The following BTAF1 variants were observed in gnomAD, a reference collection of about 807,000 sequenced individuals.
BTAF1 encodes TATA-binding protein-associated factor 172.
In BTAF1, 38 loss-of-function variants were observed where a neutral mutation model predicts 227.1. The observed-to-expected ratio is 0.17, with a 90% CI of 0.13 to 0.22. BTAF1 has a LOEUF of 0.22. Ranked by LOEUF, BTAF1 falls within the 10% of genes least tolerant of loss-of-function variation. The probability of loss-of-function intolerance (pLI) is 1.00; values close to 1 mark genes in which losing one functional copy is unlikely to be tolerated. For synonymous variants in BTAF1, 742 were observed against 751.9 expected (o/e 0.99, Z 0.21); for missense variants, 1,598 against 2,204.0 (o/e 0.73, Z 5.51).
At chr10:91,951,358 C>G (rs1453120132) in intron 4 of BTAF1, 45 bp from the exon 5 acceptor site, 1 of 1,581,814 alleles carries the variant, frequency 6.3e-7, no homozygotes, top group South Asian at 1.2e-5. Flanking sequence ...TATTAGAAAA[C>G]TTCTTAACTG....
At chr10:91,989,656 T>C in intron 20 of BTAF1, 76 bp downstream of exon 20, 1 of 1,321,132 alleles carries the variant, frequency 7.6e-7, no homozygotes, top group South Asian at 1.5e-5. Flanking sequence ...GGGTATAATT[T>C]AAGCACAAAT....
intron 4 of BTAF1, among the ~76,000 whole-genome samples, chr10:91,950,148 T>TGTGGG (rs1554851556): frequency 8.2e-5 from 2 of 24,426 alleles, no homozygotes; most frequent in African/African-American, 2.1e-4. Context: ...TTGTCCTTTG[T>TGTGGG]GGGGGGGGGC....
At chr10:92,013,830 A>T (rs1478178422) in intron 31 of BTAF1, 22 bp downstream of exon 31, 1 of 1,613,768 alleles carries the variant, frequency 6.2e-7, no homozygotes, top group Non-Finnish European at 8.5e-7. Context: ...ATATAATTAT[A>T]ACCCTGTGTA....
chr10:92,010,977 G>A, intron 28 of BTAF1, 96 bp from the exon 29 acceptor site: 1 of 861,218 alleles, frequency 1.2e-6, no homozygotes, highest in South Asian at 1.5e-5. Context: ...GGAATGCTGG[G>A]CTTAGTGGGC....
At chr10:91,968,820 C>T (rs1314150320) in intron 14 of BTAF1, among the ~76,000 whole-genome samples, 2 of 152,012 alleles carry the variant, frequency 1.3e-5, no homozygotes, top group Non-Finnish European at 2.9e-5. Flanking sequence ...TATGTTTATT[C>T]GCCATCTACC....
At chr10:91,962,111 A>G (rs546814344) in intron 11 of BTAF1, among the ~76,000 whole-genome samples, 1 of 152,310 alleles carries the variant, frequency 6.6e-6, no homozygotes, top group East Asian at 1.9e-4. Flanking sequence ...GTACAGTCAT[A>G]ATGATGTTTC....
rs1851779288 is a variant in BTAF1, at chr10:92,029,834, C to CACAA, written c.*905_*908dup. ...AAGGGAGAGAGAATTTCTTTATATA[C>CACAA]ACAAACATACATGAATATGCATATC... On this transcript the variant is annotated 3_prime_UTR_variant, in exon 38 of 38. Transcript: ENST00000265990. The CACAA allele has an allele frequency of 6.6e-6, 1 of 152,350 alleles. No individual in the cohort carries two copies. The highest frequency in any genetic ancestry group is 2.1e-4 in the South Asian group (1 of 4,820). 9.4% of individuals were successfully genotyped at this position (152,350 alleles called of 1,614,324 possible).
At chr10:91,944,984 C>G (rs1384639713) in intron 4 of BTAF1, among the ~76,000 whole-genome samples, 3 of 152,142 alleles carry the variant, frequency 2.0e-5, no homozygotes, top group African/African-American at 7.2e-5. Context: ...AGGTTTGTAG[C>G]CTAGGAGCAA....
chr10:92,029,092 T>A lies in BTAF1; in HGVS notation c.*159T>A. 1 of 604,894 alleles carries A rather than the reference T, an allele frequency of 1.7e-6. No individual in the cohort carries two copies. The highest frequency in any genetic ancestry group is 2.7e-6 in the Non-Finnish European group (1 of 377,358). The allele number at this position is 604,894 out of a possible 1,614,324, so 37.5% of individuals were successfully genotyped here. A position where few individuals can be genotyped will look rare whatever the true frequency, so the allele number is the denominator to read the frequency against. ...CTCTTGTTTCACTGGGGGAAACAAG[T>A]TATTCTCAAATATTTGCACTGTATT... On this transcript the variant is annotated 3_prime_UTR_variant, in exon 38 of 38. Coordinates refer to ENST00000265990, the MANE Select transcript of BTAF1 (RefSeq NM_003972.3).
intron 22 of BTAF1, 85 bp downstream of exon 22, chr10:91,993,932 C>G (rs1197256272): frequency 3.8e-6 from 4 of 1,063,724 alleles, no homozygotes; most frequent in Non-Finnish European, 5.0e-6. Flanking sequence ...AAAAATGCCT[C>G]TATGCCTCTA....
At chr10:91,976,363 G>C (rs1474108247) in intron 14 of BTAF1, among the ~76,000 whole-genome samples, 1 of 152,126 alleles carries the variant, frequency 6.6e-6, no homozygotes, top group African/African-American at 2.4e-5. Flanking sequence ...ATGATTGATT[G>C]AATTATTAGC....
intron 34 of BTAF1, among the ~76,000 whole-genome samples, chr10:92,023,181 A>G (rs1375679046): frequency 2.0e-5 from 3 of 152,196 alleles, no homozygotes; most frequent in African/African-American, 7.2e-5. Flanking sequence ...CCAGTTAGGG[A>G]CTGATGGGAA....
chr10:91,969,057 T>C (rs904486250), intron 14 of BTAF1, among the ~76,000 whole-genome samples: 1 of 151,150 alleles, frequency 6.6e-6, no homozygotes, highest in African/African-American at 2.4e-5. Flanking sequence ...TTTTTTTTTT[T>C]TGTTAGAGAT....
At position 92,016,395 on chromosome 10, in the gene BTAF1, C is replaced by T; in HGVS notation, c.4640C>T (p.Thr1547Ile). 3 of 1,600,796 alleles carry T rather than the reference C, an allele frequency of 1.9e-6. No individual in the cohort carries two copies. Among genetic ancestry groups the T allele is most frequent in the Non-Finnish European group, 1.7e-6 (2 of 1,174,538 alleles). Residue 1547 changes from threonine (T) to isoleucine (I), a missense_variant, in exon 33 of 38, where the codon ACA becomes ATA. Transcript: ENST00000265990. ...CGTGCCAAGTGTGATGTTGATGAAA[C>T]AGTTTCTTCAGCTACACTTTCTGAA... ...KSRAKCDVDE[T>I]VSSATLSEET... is the part of the protein sequence containing the mutation.
intron 24 of BTAF1, 99 bp downstream of exon 24, chr10:91,996,669 C>A: frequency 8.5e-7 from 1 of 1,169,906 alleles, no homozygotes; most frequent in South Asian, 1.5e-5. Flanking sequence ...ACATAAATAA[C>A]CTGCCTTGTT....
chr10:91,982,276 C>G (rs1228402189), intron 17 of BTAF1, 51 bp downstream of exon 17: 6 of 1,611,378 alleles, frequency 3.7e-6, no homozygotes, highest in Non-Finnish European at 5.1e-6. Flanking sequence ...GTCTGGCTTT[C>G]AAAGGTTATT....
In BTAF1 at chr10:91,982,639, A is replaced by G. The variant is rs758175640; in HGVS notation, c.2101A>G (p.Thr701Ala). 52 of 1,613,872 alleles carry G rather than the reference A, an allele frequency of 3.2e-5. No individual in the cohort carries two copies. The highest frequency in any genetic ancestry group is 4.2e-5 in the Non-Finnish European group (50 of 1,179,886). The change falls in exon 18 of 38, where the codon ACT (threonine) becomes GCT (alanine). Residue 701 changes from threonine to alanine, a missense_variant. Thr to Ala is a moderately conservative substitution (Grantham distance 58). This residue lies in a region of BTAF1 where 318 missense variants were observed against 435.0 expected (regional missense o/e 0.73). Transcript: ENST00000265990. ...TTGTGATCCAGGTGTAAATGTGGTA[A>G]CTCAAGAAATTAAACCAGCTGAATC... ...CICDPGVNVV[T>A]QEIKPAESLG... is the part of the protein sequence containing the mutation.
At position 91,953,769 on chromosome 10, in the gene BTAF1, G is replaced by T. The variant is rs1364480766; in HGVS notation, c.597G>T (p.Glu199Asp). 2 of 1,613,902 alleles carry T rather than the reference G, an allele frequency of 1.2e-6. No individual in the cohort carries two copies. Among genetic ancestry groups the T allele is most frequent in the Non-Finnish European group, 1.7e-6 (2 of 1,179,952 alleles). Reference sequence around the variant, plus strand: ...AGGCAGCTGAATTGATTGACTCAGAGTTTCGAGCAGGAATGAGCAATAGAC... The same window carrying T: ...AGGCAGCTGAATTGATTGACTCAGATTTTCGAGCAGGAATGAGCAATAGAC... ...TLQAAELIDSEFRAGMSNRQK... is the reference protein window; with the variant it reads ...TLQAAELIDSDFRAGMSNRQK... Residue 199 changes from glutamate (E) to aspartate (D), a missense_variant, in exon 6 of 38, where the codon GAG (glutamate) becomes GAT (aspartate). Around this residue, in one of 10 missense-constraint regions of BTAF1, gnomAD observed 298 missense variants for 395.2 expected, o/e 0.75. Coordinates refer to ENST00000265990, the MANE Select transcript of BTAF1 (RefSeq NM_003972.3).
chr10:91,980,487 G>C lies in BTAF1; in HGVS notation c.1684G>C (p.Asp562His). The change falls in exon 15 of 38, where the codon GAT becomes CAT. Residue 562 changes from aspartate to histidine, a missense_variant. Coordinates refer to ENST00000265990, the MANE Select transcript of BTAF1 (RefSeq NM_003972.3). The stretch of plus-strand genomic sequence containing the variant: ...ATCTTGGCTTATACCTATACTGCCT[G>C]ATATGCTCCGACACATTTTTCAGTT... ...SSSWLIPILPDMLRHIFQFCV... is the reference protein window; with the variant it reads ...SSSWLIPILPHMLRHIFQFCV... 1 of 1,613,128 alleles carries C rather than the reference G, an allele frequency of 6.2e-7. No individual in the cohort carries two copies. Among genetic ancestry groups the C allele is most frequent in the South Asian group, 1.1e-5 (1 of 91,014 alleles).
Sources: gnomAD v4.1 joint callset for allele counts (sites outside exome capture counted in the v4.1 genomes callset) on GRCh38, gnomAD v4.1.1 for gene constraint, gnomAD v4.1.1 regional missense constraint, MANE v1.5 for transcripts, NCBI Gene and HGNC (gene_info 2026-07-23, HGNC 2026-07-21) for gene names.